BBOX1: variants seen among roughly 807,000 people sequenced by gnomAD.
BBOX1 encodes the protein gamma-butyrobetaine hydroxylase 1, also known as gamma-butyrobetaine dioxygenase.
A neutral mutation model predicts 41.6 loss-of-function variants in BBOX1; 35 were observed. That is an observed-to-expected ratio of 0.84 (90% CI 0.64 to 1.11). BBOX1 has a LOEUF of 1.11. Among genes scored for constraint, BBOX1 ranks in the 50% most tolerant of loss-of-function variants. The pLI is 0.00. For synonymous variants in BBOX1, 163 were observed against 154.7 expected, an observed-to-expected ratio of 1.05 and a Z score of -0.40; for missense variants, 458 against 460.6, an observed-to-expected ratio of 0.99 and a Z score of 0.05.
chr11:27,070,709 T>G (rs929808163), intron 4 of BBOX1, among the ~76,000 whole-genome samples: 26 of 16,280 alleles, frequency 1.6e-3, no homozygotes, highest in African/African-American at 3.4e-3. Flanking sequence ...GTGATTGATT[T>G]TTTTTTTTTT....
At chr11:27,055,854 A>G (rs1856964884) in intron 3 of BBOX1, among the ~76,000 whole-genome samples, 1 of 152,128 alleles carries the variant, frequency 6.6e-6, no homozygotes, top group South Asian at 2.1e-4. Context: ...TACTACTACT[A>G]TTTTTAATAA....
At chr11:27,115,320 C>G in intron 5 of BBOX1, 132 bp from the exon 6 acceptor site, 1 of 672,558 alleles carries the variant, frequency 1.5e-6, no homozygotes, top group Admixed American at 3.2e-5. Context: ...CCTTGTCTCA[C>G]TCATAGTCAT....
At chr11:27,046,764 C>T (rs913019196) in intron 2 of BBOX1, among the ~76,000 whole-genome samples, 1 of 152,012 alleles carries the variant, frequency 6.6e-6, no homozygotes, top group African/African-American at 2.4e-5. Flanking sequence ...AACAGAGTAG[C>T]TTATCATCTA....
intron 5 of BBOX1, among the ~76,000 whole-genome samples, chr11:27,093,843 G>C (rs1390008995): frequency 1.3e-5 from 2 of 151,740 alleles, no homozygotes; most frequent in African/African-American, 4.8e-5. Flanking sequence ...CTTCTGATAT[G>C]GACACCAGTC....
At chr11:27,119,971 C>A in intron 7 of BBOX1, 126 bp downstream of exon 7, 1 of 558,124 alleles carries the variant, frequency 1.8e-6, no homozygotes, top group Non-Finnish European at 2.8e-6. Context: ...AACATTTCAC[C>A]CAATTTTAGA....
chr11:27,072,078 G>A (rs547487302), intron 4 of BBOX1, among the ~76,000 whole-genome samples: 39 of 152,116 alleles, frequency 2.6e-4, no homozygotes, highest in African/African-American at 8.2e-4. Context: ...CCAGGGCATC[G>A]GTCAAGAGAA....
chr11:27,117,315 C>T (rs1241275635), intron 6 of BBOX1, among the ~76,000 whole-genome samples: 1 of 151,888 alleles, frequency 6.6e-6, no homozygotes, highest in African/African-American at 2.4e-5. Context: ...GTTACCCATT[C>T]TTCTTGCCAG....
At chr11:27,061,328 T>G (rs1227360937) in intron 4 of BBOX1, among the ~76,000 whole-genome samples, 1 of 152,202 alleles carries the variant, frequency 6.6e-6, no homozygotes, top group Non-Finnish European at 1.5e-5. Context: ...AATGACAGGC[T>G]GCAATCATGA....
chr11:27,053,882 A>C (rs1856890860), intron 2 of BBOX1, among the ~76,000 whole-genome samples: 1 of 152,208 alleles, frequency 6.6e-6, no homozygotes, highest in East Asian at 1.9e-4. Flanking sequence ...CATGAGAGCC[A>C]ATTAATTGTA....
At chr11:27,124,125 T>C (rs1037709326) in intron 7 of BBOX1, among the ~76,000 whole-genome samples, 4 of 152,144 alleles carry the variant, frequency 2.6e-5, no homozygotes, top group Admixed American at 6.5e-5. Flanking sequence ...CATTTGTTGA[T>C]AATATTCACT....
intron 5 of BBOX1, among the ~76,000 whole-genome samples, chr11:27,114,891 T>C (rs547011122): frequency 3.3e-5 from 5 of 151,938 alleles, no homozygotes; most frequent in African/African-American, 1.2e-4. Context: ...TATAATTCCA[T>C]TTATGGTAAA....
chr11:27,096,457 C>T (rs945858744), intron 5 of BBOX1, among the ~76,000 whole-genome samples: 7 of 151,910 alleles, frequency 4.6e-5, no homozygotes, highest in Non-Finnish European at 1.0e-4. Context: ...TAAAAGTAAA[C>T]TTTGCTCTCC....
chr11:27,048,124 A>G (rs967504420), intron 2 of BBOX1, among the ~76,000 whole-genome samples: 1 of 151,888 alleles, frequency 6.6e-6, no homozygotes, highest in Non-Finnish European at 1.5e-5. Context: ...GGGTGAGAAC[A>G]CTTGAGATCT....
chr11:27,120,935 T>C (rs1022996562), intron 7 of BBOX1, among the ~76,000 whole-genome samples: 9 of 152,040 alleles, frequency 5.9e-5, no homozygotes, highest in Non-Finnish European at 1.2e-4. Flanking sequence ...TAGCTTATAC[T>C]CTAATGGGGG....
intron 5 of BBOX1, among the ~76,000 whole-genome samples, chr11:27,112,142 G>C (rs1028119107): frequency 6.6e-6 from 1 of 151,902 alleles, no homozygotes; most frequent in Non-Finnish European, 1.5e-5. Flanking sequence ...AAACTCTATA[G>C]GTCAAATTCC....
intron 4 of BBOX1, among the ~76,000 whole-genome samples, chr11:27,091,531 G>A (rs552121942): frequency 7.2e-5 from 11 of 151,776 alleles, no homozygotes; most frequent in Non-Finnish European, 1.5e-4. Flanking sequence ...AACTTGCTCT[G>A]GTCTAATAAA....
intron 4 of BBOX1, among the ~76,000 whole-genome samples, chr11:27,074,089 C>G (rs1359364071): frequency 6.6e-6 from 1 of 151,958 alleles, no homozygotes; most frequent in East Asian, 1.9e-4. Context: ...GGCACTTCCC[C>G]CATTGCTCTT....
At chr11:27,092,737 C>T (rs1443754068) in intron 4 of BBOX1, among the ~76,000 whole-genome samples, 1 of 151,898 alleles carries the variant, frequency 6.6e-6, no homozygotes, top group Admixed American at 6.6e-5. Context: ...CCCCAGCTCC[C>T]AAGAGTAGAC....
intron 5 of BBOX1, among the ~76,000 whole-genome samples, chr11:27,104,321 T>C (rs1858782324): frequency 6.6e-6 from 1 of 152,176 alleles, no homozygotes; most frequent in Non-Finnish European, 1.5e-5. Context: ...CTCTGCTTTC[T>C]CCTACACAGT....
Sources: allele counts gnomAD v4.1 joint callset (sites outside exome capture counted in the v4.1 genomes callset), GRCh38; gene constraint gnomAD v4.1.1; transcripts MANE v1.5; gene names NCBI Gene and HGNC (gene_info 2026-07-23, HGNC 2026-07-21).